The following ZFP36L1 variants were observed in gnomAD, a reference collection of about 807,000 sequenced individuals.
The protein encoded by ZFP36L1 is mRNA decay activator protein ZFP36L1.
A neutral mutation model predicts 16.7 loss-of-function variants in ZFP36L1; 4 were observed. The observed-to-expected ratio is 0.24, with a 90% CI of 0.12 to 0.55. The LOEUF is 0.55. Among genes scored for constraint, ZFP36L1 ranks in the 20% least tolerant of loss-of-function variants. The pLI, the probability that ZFP36L1 is intolerant of heterozygous loss-of-function variation, is 0.94. For missense variants in ZFP36L1, 311 were observed against 449.2 expected (o/e 0.69, Z 2.78); for synonymous variants, 220 against 190.8 (o/e 1.15, Z -1.26).
At position 68,789,409 on chromosome 14, in the gene ZFP36L1, G is replaced by A; in HGVS notation, c.*124C>T. The A allele has an allele frequency of 4.2e-6, 6 of 1,423,554 alleles. No homozygotes were observed. Among genetic ancestry groups the A allele is most frequent in the African/African-American group, 1.4e-5 (1 of 70,472 alleles). The allele number at this position is 1,423,554 out of a possible 1,614,324, so 88.2% of individuals were successfully genotyped here. On this transcript the variant is annotated 3_prime_UTR_variant, in exon 2 of 2. Coordinates refer to ENST00000439696, the MANE Select transcript of ZFP36L1 (RefSeq NM_004926.4). This position sits in a 1 kb window ranked among gnomAD's most constrained non-coding sequence, Gnocchi z 4.5. ...GCACATTCTGAGGTGCTGGGGGAAA[G>A]GGGTTGAGCTTAACCTTGTTAATGT...
Position 68,790,598 on chromosome 14 carries a change from C to T in ZFP36L1, c.58-106G>A, listed in dbSNP as rs994288472. On this transcript the variant is annotated intron_variant, in intron 1 of 1. Transcript: ENST00000439696. The stretch of plus-strand genomic sequence containing the variant: ...CAAACGCCCGCTCTTTCTCAAAGAA[C>T]TCATCTCTACCTCGGCTCTAGCAAG... 6.8e-6 allele frequency: 10 copies of T among 1,460,130 alleles called. No individual in the cohort carries two copies. In the African/African-American group the frequency reaches 7.0e-5, roughly 10 times the overall value. The allele number at this position is 1,460,130 out of a possible 1,614,324, so 90.4% of individuals were successfully genotyped here.
chr14:68,791,727 G>A (rs1895075688), intron 1 of ZFP36L1, among the ~76,000 whole-genome samples: 1 of 152,094 alleles, frequency 6.6e-6, no homozygotes, highest in South Asian at 2.1e-4. Flanking sequence ...AGAAATGTTG[G>A]GGAGCGCTGG....
chr14:68,793,080 G>A (rs771491717), upstream of ZFP36L1: 6 of 1,563,566 alleles, frequency 3.8e-6, no homozygotes, highest in East Asian at 9.2e-5. Context: ...GCTGGGGCGC[G>A]CAAAGCCCAA....
At chr14:68,790,611 C>G (rs770389609) in intron 1 of ZFP36L1, 119 bp from the exon 2 acceptor site, 4 of 1,400,990 alleles carry the variant, frequency 2.9e-6, no homozygotes, top group Admixed American at 4.0e-5. Flanking sequence ...ATCTCTACCT[C>G]GGCTCTAGCA....
chr14:68,789,442 G>C lies in ZFP36L1; in HGVS notation c.*91C>G. ...GCTTAACCTTGTTAATGTAGGGCCT[G>C]TGGGGAATGGGATGGGTAGGGAGAA... On this transcript the variant is annotated 3_prime_UTR_variant, in exon 2 of 2. Coordinates refer to ENST00000439696, the MANE Select transcript of ZFP36L1 (RefSeq NM_004926.4). This position sits in a 1 kb window ranked among gnomAD's most constrained non-coding sequence, Gnocchi z 4.5. The C allele has an allele frequency of 6.3e-7, 1 of 1,575,798 alleles. No individual in the cohort carries two copies. Among genetic ancestry groups the C allele is most frequent in the East Asian group, 2.2e-5 (1 of 44,460 alleles).
chr14:68,793,954 CA>C, upstream of ZFP36L1: 2 of 982,984 alleles, frequency 2.0e-6, no homozygotes, highest in Non-Finnish European at 2.4e-6. Context: ...AAAAAGACCA[CA>C]ACCCGGGACG....
chr14:68,790,187 G>C lies in ZFP36L1; in HGVS notation c.363C>G (p.Arg121=). 6.2e-7 allele frequency: 1 copy of C among 1,613,042 alleles called. No homozygotes were observed. Among genetic ancestry groups the C allele is most frequent in the Non-Finnish European group, 8.5e-7 (1 of 1,179,240 alleles). The part of the protein sequence containing the change: ...NSSRYKTELC[R]PFEENGACKY... ...TACAGGCACCGTTTTCCTCAAAGGGGCGGCACAGCTCCGTCTTGTAGCGGC... is the reference window on the plus strand; with the variant it reads ...TACAGGCACCGTTTTCCTCAAAGGGCCGGCACAGCTCCGTCTTGTAGCGGC... The change falls in exon 2 of 2, where the codon CGC becomes CGG. Residue 121 remains arginine, a synonymous_variant. Transcript: ENST00000439696.
chr14:68,790,899 A>G, intron 1 of ZFP36L1: 1 of 580,404 alleles, frequency 1.7e-6, no homozygotes, highest in Non-Finnish European at 3.1e-6. Flanking sequence ...AAAACAGGTA[A>G]ACCTCAGAAA....
rs1263680815 is a variant in ZFP36L1, at chr14:68,789,690, T to C, written c.860A>G (p.His287Arg). The C allele has an allele frequency of 1.9e-6, 3 of 1,613,852 alleles. No homozygotes were observed. In the African/African-American group the frequency reaches 4.0e-5, roughly 22 times the overall value. ...FLFRPMSESP[H>R]MFDSPPSPQD... Reference sequence around the variant, plus strand: ...AGGGCTGGGGGGAGAGTCAAACATGTGAGGGGACTCGGACATGGGCCGGAA... The same window carrying C: ...AGGGCTGGGGGGAGAGTCAAACATGCGAGGGGACTCGGACATGGGCCGGAA... Residue 287 changes from histidine (H) to arginine (R), a missense_variant, in exon 2 of 2, where the codon CAC becomes CGC. By Grantham distance (29) the His-to-Arg change is conservative (BLOSUM62 0). This residue lies in a region of ZFP36L1 where 147 missense variants were observed against 192.0 expected (regional missense o/e 0.77). Transcript: ENST00000439696. The surrounding 1 kb of genome is among the most constrained non-coding windows in gnomAD (Gnocchi z 4.5).
At chr14:68,794,326 G>T (rs1895191916), upstream of ZFP36L1, 1 of 152,276 alleles carries the variant, frequency 6.6e-6, no homozygotes, top group South Asian at 2.1e-4. Flanking sequence ...GCGGGAGGTG[G>T]AGAGGGGGAC....
chr14:68,789,983 C>T lies in ZFP36L1; in HGVS notation c.567G>A (p.Arg189=). 1 of 1,605,862 alleles carries T rather than the reference C, an allele frequency of 6.2e-7. No homozygotes were observed. Among genetic ancestry groups the T allele is most frequent in the Non-Finnish European group, 8.5e-7 (1 of 1,176,570 alleles). The part of the protein sequence containing the change: ...AEERRALAGA[R]DLSADRPRLQ... Reference sequence around the variant, plus strand: ...GGCGGGGACGGTCAGCGGAGAGGTCCCGGGCCCCGGCCAGGGCACGGCGCT... The same window carrying T: ...GGCGGGGACGGTCAGCGGAGAGGTCTCGGGCCCCGGCCAGGGCACGGCGCT... The change falls in exon 2 of 2, where the codon CGG becomes CGA. Residue 189 remains arginine (R), a synonymous_variant. Coordinates refer to ENST00000439696, the MANE Select transcript of ZFP36L1 (RefSeq NM_004926.4). This position sits in a 1 kb window ranked among gnomAD's most constrained non-coding sequence, Gnocchi z 4.5.
upstream of ZFP36L1, chr14:68,796,234 G>C (rs1895253743): frequency 1.5e-6 from 2 of 1,366,820 alleles, no homozygotes; most frequent in Non-Finnish European, 2.0e-6. Context: ...GTTCGGTTTT[G>C]TGCAAGGGGG....
At chr14:68,790,864 C>G (rs761550087) in intron 1 of ZFP36L1, 9 of 583,246 alleles carry the variant, frequency 1.5e-5, no homozygotes, top group Non-Finnish European at 2.4e-5. Context: ...ATTACCGCAC[C>G]CCGCCCCCGC....
In ZFP36L1 at chr14:68,789,476, G is replaced by A; in HGVS notation, c.*57C>T. On this transcript the variant is annotated 3_prime_UTR_variant, in exon 2 of 2. Transcript: ENST00000439696. This position sits in a 1 kb window ranked among gnomAD's most constrained non-coding sequence, Gnocchi z 4.5. The stretch of plus-strand genomic sequence containing the variant: ...GGGATGGGTAGGGAGAAGAGGGTAT[G>A]GGATGTGGGTGCAGGGTAGGGGCTG... The A allele has an allele frequency of 6.2e-7, 1 of 1,608,676 alleles. No individual in the cohort carries two copies. Among genetic ancestry groups the A allele is most frequent in the Non-Finnish European group, 8.5e-7 (1 of 1,178,038 alleles).
In ZFP36L1 at chr14:68,789,753, A is replaced by T; in HGVS notation, c.797T>A (p.Met266Lys). 2 of 1,613,808 alleles carry T rather than the reference A, an allele frequency of 1.2e-6. No individual in the cohort carries two copies. Among genetic ancestry groups the T allele is most frequent in the Non-Finnish European group, 8.5e-7 (1 of 1,179,932 alleles). ...QELASLFAPS[M>K]GLPGGGSPTT... ...CGGGGAGCCACCCCCGGGCAGCCCC[A>T]TGCTAGGGGCAAAGAGGCTTGCCAG... Residue 266 changes from methionine (M) to lysine (K), a missense_variant, in exon 2 of 2, where the codon ATG becomes AAG. Transcript: ENST00000439696. The surrounding 1 kb of genome is among the most constrained non-coding windows in gnomAD (Gnocchi z 4.5).
At chr14:68,792,712 G>C (rs1895129050) in intron 1 of ZFP36L1, among the ~76,000 whole-genome samples, 170 bp downstream of exon 1, 2 of 152,270 alleles carry the variant, frequency 1.3e-5, no homozygotes, top group African/African-American at 4.8e-5. Context: ...TCAAAGGGTG[G>C]GAAGGACGGG....
upstream of ZFP36L1, chr14:68,793,624 C>T (rs1268451322): frequency 2.0e-6 from 2 of 985,920 alleles, no homozygotes; most frequent in Non-Finnish European, 2.4e-6. Flanking sequence ...CTCCTTGAAA[C>T]TTCCCCAAGT....
At chr14:68,793,733 T>C, upstream of ZFP36L1, 1 of 985,476 alleles carries the variant, frequency 1.0e-6, no homozygotes, top group Non-Finnish European at 1.2e-6. Context: ...ACGCACAGAA[T>C]GTTCAAGCCT....
At chr14:68,795,814 G>T (rs770442835), upstream of ZFP36L1, 1 of 536,750 alleles carries the variant, frequency 1.9e-6, no homozygotes, top group Non-Finnish European at 3.8e-6. Flanking sequence ...GACTTTCCAA[G>T]GGTGAGGGAG....
Sources: gnomAD v4.1 joint callset for allele counts (sites outside exome capture counted in the v4.1 genomes callset) on GRCh38, gnomAD v4.1.1 for gene constraint, gnomAD v4.1.1 regional missense constraint, Gnocchi (gnomAD v3.1) non-coding constraint, MANE v1.5 for transcripts, NCBI Gene and HGNC (gene_info 2026-07-23, HGNC 2026-07-21) for gene names.